DUSP29: variants seen among roughly 807,000 people sequenced by gnomAD.
The protein encoded by DUSP29 is atypical dual-specific protein phosphatase.
In DUSP29, 12 loss-of-function variants were observed where a neutral mutation model predicts 13.5. That is an observed-to-expected ratio of 0.89 (90% CI 0.57 to 1.44). The LOEUF is 1.44. Among genes scored for constraint, DUSP29 ranks in the 40% most tolerant of loss-of-function variants. The pLI, the probability that DUSP29 is intolerant of heterozygous loss-of-function variation, is 0.00. For missense variants in DUSP29, 308 were observed against 301.1 expected (o/e 1.02, Z -0.17); for synonymous variants, 134 against 128.7 (o/e 1.04, Z -0.28).
intron 2 of DUSP29, among the ~76,000 whole-genome samples, chr10:75,048,401 T>C (rs1483533713): frequency 6.6e-6 from 1 of 151,424 alleles, no homozygotes; most frequent in Non-Finnish European, 1.5e-5. Flanking sequence ...TTTTTTTCTT[T>C]TTTTTTTTTG....
At chr10:75,068,610 G>A (rs1847254529) in intron 1 of DUSP29, among the ~76,000 whole-genome samples, 1 of 152,116 alleles carries the variant, frequency 6.6e-6, no homozygotes, top group Non-Finnish European at 1.5e-5. Context: ...TGTGTACCAC[G>A]TTTCTTCCAT....
At chr10:75,043,393 C>T (rs1263116043) in intron 3 of DUSP29, among the ~76,000 whole-genome samples, 1 of 152,212 alleles carries the variant, frequency 6.6e-6, no homozygotes, top group Non-Finnish European at 1.5e-5. Context: ...AGACCGCCTC[C>T]GCCTTTTGAA....
intron 2 of DUSP29, among the ~76,000 whole-genome samples, chr10:75,052,845 C>A (rs542942959): frequency 2.0e-5 from 3 of 152,236 alleles, no homozygotes; most frequent in Non-Finnish European, 4.4e-5. Context: ...ATTGTTAGAA[C>A]GTTTGCAGCC....
In DUSP29 at chr10:75,037,929, C is replaced by T. The variant is rs1026877826; in HGVS notation, c.570G>A (p.Leu190=). ...NRCVLPNRGF[L]KQLRELDKQL... ...GCTTGTCCAGCTCCCGGAGCTGCTT[C>T]AAAAAGCCCCGGTTCGGGAGGACGC... The change falls in exon 4 of 4, where the codon TTG becomes TTA. Residue 190 remains leucine, a synonymous_variant. Transcript: ENST00000338487. 7.4e-6 allele frequency: 12 copies of T among 1,613,806 alleles called. No homozygotes were observed. The African/African-American group carries it at 1.6e-4, about 22-fold the overall frequency.
At chr10:75,069,500 G>A (rs894227858) in intron 1 of DUSP29, among the ~76,000 whole-genome samples, 16 of 152,288 alleles carry the variant, frequency 1.1e-4, no homozygotes, top group Admixed American at 6.5e-4. Flanking sequence ...GCAAGACTCC[G>A]CAGGTGCAGC....
At chr10:75,043,752 C>T in intron 3 of DUSP29, 45 bp downstream of exon 3, 1 of 1,166,898 alleles carries the variant, frequency 8.6e-7, no homozygotes, top group Non-Finnish European at 1.1e-6. Context: ...CGAGTCGGGG[C>T]GGGGCGGGGC....
chr10:75,046,554 C>T (rs1846711407), intron 2 of DUSP29, among the ~76,000 whole-genome samples: 1 of 152,302 alleles, frequency 6.6e-6, no homozygotes, highest in East Asian at 1.9e-4. Flanking sequence ...GCATGAGAAC[C>T]ATGATGGTGT....
At chr10:75,048,194 TAAAATTGCTA>T (rs1407016190) in intron 2 of DUSP29, among the ~76,000 whole-genome samples, 1 of 152,218 alleles carries the variant, frequency 6.6e-6, no homozygotes, top group Admixed American at 6.5e-5. Flanking sequence ...GAAAACTTGC[TAAAATTGCTA>T]AAAATTGCAG....
chr10:75,059,769 C>G (rs1292671803), intron 1 of DUSP29, among the ~76,000 whole-genome samples: 1 of 152,154 alleles, frequency 6.6e-6, no homozygotes, highest in South Asian at 2.1e-4. Context: ...CAGAATACAA[C>G]TTGAAGAAGC....
At chr10:75,065,817 A>G (rs1847189580) in intron 1 of DUSP29, among the ~76,000 whole-genome samples, 2 of 152,082 alleles carry the variant, frequency 1.3e-5, no homozygotes, top group Admixed American at 1.3e-4. Context: ...CAGCCTCTAG[A>G]GCAGCTAGGA....
At chr10:75,072,803 C>A (rs1422162666) in intron 1 of DUSP29, among the ~76,000 whole-genome samples, 1 of 152,204 alleles carries the variant, frequency 6.6e-6, no homozygotes, top group East Asian at 1.9e-4. Context: ...GGGTTCCAGG[C>A]CCATGAAGGG....
At chr10:75,062,213 C>T (rs1460083561) in intron 1 of DUSP29, among the ~76,000 whole-genome samples, 1 of 152,190 alleles carries the variant, frequency 6.6e-6, no homozygotes, top group African/African-American at 2.4e-5. Context: ...AAGCTCAGCT[C>T]GTCCATGGCA....
chr10:75,045,399 C>T (rs1846685217), intron 2 of DUSP29, among the ~76,000 whole-genome samples: 1 of 152,056 alleles, frequency 6.6e-6, no homozygotes, highest in Non-Finnish European at 1.5e-5. Context: ...GTGAAGTTCC[C>T]TCAGGAAGGT....
chr10:75,043,624 A>G (rs1170581510), intron 3 of DUSP29, among the ~76,000 whole-genome samples, 173 bp downstream of exon 3: 1 of 152,080 alleles, frequency 6.6e-6, no homozygotes, highest in Non-Finnish European at 1.5e-5. Context: ...TCGCACGCGC[A>G]CATCCCGCTT....
intron 2 of DUSP29, among the ~76,000 whole-genome samples, chr10:75,050,220 T>C (rs1021254488): frequency 6.6e-6 from 1 of 152,200 alleles, no homozygotes; most frequent in Non-Finnish European, 1.5e-5. Flanking sequence ...TGAAAAAAGA[T>C]TTTGCTAAGC....
chr10:75,069,117 T>G (rs1464637686), intron 1 of DUSP29, among the ~76,000 whole-genome samples: 1 of 152,246 alleles, frequency 6.6e-6, no homozygotes, highest in East Asian at 1.9e-4. Context: ...GTCATGAACT[T>G]GTTTGATTAA....
intron 1 of DUSP29, among the ~76,000 whole-genome samples, chr10:75,066,081 A>G (rs1425120710): frequency 6.6e-6 from 1 of 152,128 alleles, no homozygotes; most frequent in Non-Finnish European, 1.5e-5. Context: ...TGGCCCAGAA[A>G]GAGGTGGAGT....
At chr10:75,044,670 A>C (rs746008265) in intron 2 of DUSP29, among the ~76,000 whole-genome samples, 5 of 152,202 alleles carry the variant, frequency 3.3e-5, no homozygotes, top group Non-Finnish European at 7.3e-5. Flanking sequence ...GAAGTTATTT[A>C]ATGGGCTACA....
intron 1 of DUSP29, among the ~76,000 whole-genome samples, chr10:75,071,978 C>T (rs555717022): frequency 1.4e-4 from 21 of 152,328 alleles, no homozygotes; most frequent in South Asian, 4.1e-4. Context: ...CGGAATGATG[C>T]GGAGTTTGGC....
Sources: gnomAD v4.1 joint callset for allele counts (sites outside exome capture counted in the v4.1 genomes callset) on GRCh38, gnomAD v4.1.1 for gene constraint, MANE v1.5 for transcripts, NCBI Gene and HGNC (gene_info 2026-07-23, HGNC 2026-07-21) for gene names.